Variants in NELL1 observed in about 807,000 individuals in gnomAD.
NELL1 encodes the protein neural EGFL like 1, also known as protein kinase C-binding protein NELL1.
NELL1 carries 76 observed loss-of-function variants against 107.4 expected under a neutral mutation model. The observed-to-expected ratio is 0.71, with a 90% CI of 0.59 to 0.86. The LOEUF (loss-of-function observed/expected upper bound fraction) is 0.86. Among genes scored for constraint, NELL1 ranks in the 40% least tolerant of loss-of-function variants. NELL1 has a pLI of 0.00. For synonymous variants in NELL1, 353 were observed against 341.2 expected (o/e 1.03, Z -0.38); for missense variants, 1,024 against 1,005.5 (o/e 1.02, Z -0.25).
At chr11:21,341,773 G>A (rs955247736) in intron 14 of NELL1, among the ~76,000 whole-genome samples, 1 of 152,200 alleles carries the variant, frequency 6.6e-6, no homozygotes, top group Non-Finnish European at 1.5e-5. Context: ...TTCAAAGAAA[G>A]AGCAAGAAAA....
At chr11:21,045,094 A>T (rs1270565654) in intron 12 of NELL1, among the ~76,000 whole-genome samples, 1 of 152,206 alleles carries the variant, frequency 6.6e-6, no homozygotes, top group East Asian at 1.9e-4. Flanking sequence ...TATCCAGGGC[A>T]AGTAAAGGCA....
intron 16 of NELL1, among the ~76,000 whole-genome samples, chr11:21,535,461 T>C (rs763227234): frequency 7.9e-5 from 12 of 152,176 alleles, no homozygotes; most frequent in Non-Finnish European, 1.8e-4. Context: ...TGCTGAGATA[T>C]AGTCAGTGTT....
At chr11:21,127,236 A>G (rs1183325932) in intron 13 of NELL1, among the ~76,000 whole-genome samples, 1 of 152,156 alleles carries the variant, frequency 6.6e-6, no homozygotes, top group Non-Finnish European at 1.5e-5. Context: ...CAATTATAAA[A>G]AGGGTTTTTC....
intron 15 of NELL1, among the ~76,000 whole-genome samples, chr11:21,390,562 C>G (rs1851851742): frequency 6.6e-6 from 1 of 151,192 alleles, no homozygotes. Context: ...CAAACACTTC[C>G]CATTTCTCTA....
chr11:20,870,211 C>T (rs1371136540), intron 4 of NELL1, among the ~76,000 whole-genome samples: 2 of 152,188 alleles, frequency 1.3e-5, no homozygotes, highest in Non-Finnish European at 2.9e-5. Context: ...TCTAAGGCTA[C>T]ATCCCAAGTT....
chr11:20,893,855 T>TAAAAAAAAAAAA (rs10658756), intron 5 of NELL1, among the ~76,000 whole-genome samples: 2 of 127,190 alleles, frequency 1.6e-5, no homozygotes, highest in Non-Finnish European at 1.6e-5. Flanking sequence ...GTGAGGTAGT[T>TAAAAAAAAAAAA]AAAAAAAAAA....
chr11:21,571,971 A>G (rs551983034), intron 18 of NELL1, among the ~76,000 whole-genome samples: 1 of 151,842 alleles, frequency 6.6e-6, no homozygotes, highest in South Asian at 2.1e-4. Flanking sequence ...TTTCCATCAG[A>G]TTTTTTTAAA....
chr11:20,723,697 T>C (rs557960467), intron 2 of NELL1, among the ~76,000 whole-genome samples: 1 of 152,026 alleles, frequency 6.6e-6, no homozygotes, highest in East Asian at 1.9e-4. Flanking sequence ...CCCTCTTCCA[T>C]AGCTCCATTA....
chr11:21,025,322 C>G (rs1462243103), intron 12 of NELL1, among the ~76,000 whole-genome samples: 1 of 151,960 alleles, frequency 6.6e-6, no homozygotes, highest in Non-Finnish European at 1.5e-5. Context: ...TGGTGCTATT[C>G]TCCTTATTTC....
At chr11:20,842,487 G>A (rs1284094406) in intron 3 of NELL1, among the ~76,000 whole-genome samples, 1 of 152,134 alleles carries the variant, frequency 6.6e-6, no homozygotes, top group Non-Finnish European at 1.5e-5. Context: ...TGACTTGGCA[G>A]CATACCTAGA....
At chr11:21,213,463 TTGAATCAATTGAATTGAATCGAC>T (rs1168158342) in intron 13 of NELL1, among the ~76,000 whole-genome samples, 2 of 152,154 alleles carry the variant, frequency 1.3e-5, no homozygotes, top group East Asian at 3.8e-4. Context: ...CTGTAATCAA[TTGAATCAATTGAATTGAATCGAC>T]TGAATCAATT....
rs11025883 is a variant in NELL1, at chr11:21,035,608, A to T, written c.1300+75048A>T. ...TGTGAATCAATAAATGTGATTCATCACATAAATAGAACCAAAGACAAAAGG... is the reference window on the plus strand; with the variant it reads ...TGTGAATCAATAAATGTGATTCATCTCATAAATAGAACCAAAGACAAAAGG... On this transcript the variant is annotated intron_variant, in intron 12 of 19. Transcript: ENST00000357134. Among the ~76,000 whole-genome samples the T allele has an allele frequency of 2.6e-5, 4 of 152,314 alleles. No homozygotes were observed. The East Asian group carries it at 7.7e-4, about 29-fold the overall frequency.
At chr11:21,299,655 T>C (rs897784619) in intron 14 of NELL1, among the ~76,000 whole-genome samples, 12 of 151,668 alleles carry the variant, frequency 7.9e-5, no homozygotes. Flanking sequence ...TGTGCATATG[T>C]AAAGGGTCAG....
intron 4 of NELL1, among the ~76,000 whole-genome samples, chr11:20,866,018 T>C (rs1382359155): frequency 6.6e-6 from 1 of 152,202 alleles, no homozygotes; most frequent in African/African-American, 2.4e-5. Flanking sequence ...AAAATGGGGA[T>C]GGCAGTCATT....
chr11:20,841,063 A>G (rs1337234880), intron 3 of NELL1, among the ~76,000 whole-genome samples: 1 of 152,174 alleles, frequency 6.6e-6, no homozygotes, highest in African/African-American at 2.4e-5. Context: ...AAGGTAGACT[A>G]GTAATCTCTA....
intron 15 of NELL1, among the ~76,000 whole-genome samples, chr11:21,414,086 G>A (rs1195489688): frequency 6.6e-6 from 1 of 152,030 alleles, no homozygotes; most frequent in Non-Finnish European, 1.5e-5. Context: ...TCATGAACTT[G>A]AGCTACTGTG....
intron 13 of NELL1, chr11:21,169,870 A>C: frequency 2.1e-6 from 3 of 1,418,246 alleles, no homozygotes; most frequent in Non-Finnish European, 3.0e-6. Flanking sequence ...AAGAGTTGCC[A>C]TGTCACCCAG....
At chr11:20,970,853 C>T (rs1298971620) in intron 12 of NELL1, among the ~76,000 whole-genome samples, 2 of 151,834 alleles carry the variant, frequency 1.3e-5, no homozygotes, top group South Asian at 2.1e-4. Context: ...GGGTGCAAAA[C>T]TGGATCCATT....
chr11:20,680,308 A>G (rs1247353746), intron 2 of NELL1, among the ~76,000 whole-genome samples: 1 of 152,100 alleles, frequency 6.6e-6, no homozygotes, highest in Admixed American at 6.6e-5. Context: ...TGTCTGTCCC[A>G]CATGCAAAAT....
Sources: allele counts gnomAD v4.1 joint callset (sites outside exome capture counted in the v4.1 genomes callset), GRCh38; gene constraint gnomAD v4.1.1; transcripts MANE v1.5; gene names NCBI Gene and HGNC (gene_info 2026-07-23, HGNC 2026-07-21).